The following SFMBT2 variants were observed in gnomAD, a reference collection of about 807,000 sequenced individuals.
The protein encoded by SFMBT2 is Scm like with four mbt domains 2, also known as scm-like with four MBT domains protein 2.
In SFMBT2, 38 loss-of-function variants were observed where a neutral mutation model predicts 110.1. That is an observed-to-expected ratio of 0.35 (90% confidence interval 0.27 to 0.45). The LOEUF (loss-of-function observed/expected upper bound fraction) is 0.45. SFMBT2 is among the 20% of genes least tolerant of loss of function. The pLI is 1.00. For missense variants in SFMBT2, 1,011 were observed against 1,094.9 expected, an observed-to-expected ratio of 0.92 and a Z score of 1.08; for synonymous variants, 425 against 425.4, an observed-to-expected ratio of 1.00 and a Z score of 0.01.
At chr10:7,384,962 T>C (rs1355631689) in intron 1 of SFMBT2, among the ~76,000 whole-genome samples, 3 of 152,148 alleles carry the variant, frequency 2.0e-5, no homozygotes, top group Non-Finnish European at 4.4e-5. Flanking sequence ...TTTCCTCCCA[T>C]GAGCTGCACA....
At chr10:7,235,927 A>C (rs1840237522) in intron 9 of SFMBT2, among the ~76,000 whole-genome samples, 1 of 152,174 alleles carries the variant, frequency 6.6e-6, no homozygotes, top group Admixed American at 6.5e-5. Flanking sequence ...AAAGGAAATA[A>C]ATTCACACTC....
chr10:7,271,355 T>C (rs981784650), intron 7 of SFMBT2, among the ~76,000 whole-genome samples: 8 of 150,912 alleles, frequency 5.3e-5, no homozygotes, highest in Non-Finnish European at 8.9e-5. Context: ...AATTCACGCA[T>C]TTATTGGACA....
intron 7 of SFMBT2, among the ~76,000 whole-genome samples, chr10:7,255,181 C>T (rs1306664953): frequency 2.0e-5 from 3 of 152,178 alleles, no homozygotes; most frequent in Admixed American, 6.5e-5. Context: ...ACTCATCATC[C>T]TCAATGTCAA....
At chr10:7,209,940 A>G (rs79286042) in intron 11 of SFMBT2, among the ~76,000 whole-genome samples, 9,393 of 152,336 alleles carry the variant, frequency 0.062, 386 homozygotes, top group Non-Finnish European at 0.087. Flanking sequence ...TAAATACGGT[A>G]TTGCCACAGA....
intron 11 of SFMBT2, among the ~76,000 whole-genome samples, chr10:7,210,440 G>C (rs189848332): frequency 4.6e-5 from 7 of 152,308 alleles, no homozygotes; most frequent in Admixed American, 4.6e-4. Flanking sequence ...GGCGAGGGAG[G>C]CTACAAGCCC....
At chr10:7,207,045 G>T in intron 11 of SFMBT2, 1 of 327,014 alleles carries the variant, frequency 3.1e-6, no homozygotes, top group Non-Finnish European at 4.4e-6. Context: ...CAGTAACATG[G>T]CAAGACCTCA....
chr10:7,300,617 C>T (rs964138844), intron 4 of SFMBT2, among the ~76,000 whole-genome samples: 36 of 152,208 alleles, frequency 2.4e-4, no homozygotes, highest in African/African-American at 8.2e-4. Context: ...CAGTATCTGC[C>T]CAGCTGTTCC....
chr10:7,384,208 T>G, intron 1 of SFMBT2, among the ~76,000 whole-genome samples: 1 of 32,008 alleles, frequency 3.1e-5, no homozygotes, highest in Non-Finnish European at 4.7e-5. Flanking sequence ...CAAAACTCCA[T>G]CTCAAAAAAA....
chr10:7,220,796 C>T (rs1839702732), intron 10 of SFMBT2, among the ~76,000 whole-genome samples: 1 of 150,340 alleles, frequency 6.7e-6, no homozygotes, highest in Non-Finnish European at 1.5e-5. Context: ...TGAATTCATT[C>T]TCTTTCCAGT....
At chr10:7,270,623 T>C (rs1228060352) in intron 7 of SFMBT2, among the ~76,000 whole-genome samples, 1 of 152,248 alleles carries the variant, frequency 6.6e-6, no homozygotes, top group African/African-American at 2.4e-5. Flanking sequence ...CCCTGCCTCA[T>C]GAGAGGCCCA....
At chr10:7,173,096 G>A (rs1227943464) in intron 17 of SFMBT2, among the ~76,000 whole-genome samples, 2 of 152,220 alleles carry the variant, frequency 1.3e-5, no homozygotes, top group Non-Finnish European at 2.9e-5. Context: ...CAAAGCTGCT[G>A]ACACCCTGAT....
intron 9 of SFMBT2, among the ~76,000 whole-genome samples, chr10:7,237,959 C>T (rs1305882747): frequency 2.0e-5 from 3 of 152,024 alleles, no homozygotes; most frequent in Admixed American, 6.6e-5. Context: ...GCAGGTGCCA[C>T]GTCAGGGAGA....
intron 4 of SFMBT2, among the ~76,000 whole-genome samples, chr10:7,345,817 G>A (rs1032625119): frequency 2.6e-5 from 4 of 152,120 alleles, no homozygotes; most frequent in African/African-American, 9.7e-5. Context: ...GAGTGTTCTA[G>A]AATCTCCTGC....
intron 1 of SFMBT2, among the ~76,000 whole-genome samples, chr10:7,398,300 G>C (rs1845981734): frequency 6.6e-6 from 1 of 152,194 alleles, no homozygotes; most frequent in Non-Finnish European, 1.5e-5. Context: ...GAACAAATCA[G>C]TTGTTCAAAA....
At position 7,210,618 on chromosome 10, in the gene SFMBT2, TG is replaced by T. The variant is rs1839312761; in HGVS notation, c.1331-4691del. Among the ~76,000 whole-genome samples the T allele has an allele frequency of 3.3e-5, 5 of 152,360 alleles. No homozygotes were observed. In the South Asian group the frequency reaches 1.0e-3, roughly 32 times the overall value. ...GAAAGTTAAAGGGCATGGCAAATGC[TG>T]ACAGGCTTGAGTGTGAGATGAACAG... is the stretch of plus-strand genomic sequence containing the variant. On this transcript the variant is annotated intron_variant, in intron 11 of 20. Coordinates refer to ENST00000397167, the MANE Select transcript of SFMBT2 (RefSeq NM_001387889.1).
chr10:7,269,719 T>C (rs1204370937), intron 7 of SFMBT2, among the ~76,000 whole-genome samples: 5 of 6,436 alleles, frequency 7.8e-4, no homozygotes, highest in African/African-American at 2.3e-3. Context: ...TGTGTGCGTG[T>C]GTGTGTGTGT....
At chr10:7,373,148 T>C (rs1405625116) in intron 2 of SFMBT2, among the ~76,000 whole-genome samples, 2 of 152,208 alleles carry the variant, frequency 1.3e-5, no homozygotes, top group African/African-American at 4.8e-5. Context: ...ATGTCCTCCC[T>C]CAGGGGTGAG....
At chr10:7,274,896 C>T (rs1841720250) in intron 7 of SFMBT2, among the ~76,000 whole-genome samples, 1 of 152,148 alleles carries the variant, frequency 6.6e-6, no homozygotes, top group South Asian at 2.1e-4. Flanking sequence ...CCTACTGAAT[C>T]CTCATCCACT....
intron 9 of SFMBT2, among the ~76,000 whole-genome samples, chr10:7,228,733 TTCCTTTCTCTCTCTCTCTCTC>T (rs1840005889): frequency 4.5e-4 from 32 of 70,546 alleles, no homozygotes; most frequent in African/African-American, 1.6e-3. Flanking sequence ...CTTTCTTTCT[TTCCTTTCTCTCTCTCTCTCTC>T]TCTCTCTCTC....
Sources: gnomAD v4.1 joint callset for allele counts (sites outside exome capture counted in the v4.1 genomes callset) on GRCh38, gnomAD v4.1.1 for gene constraint, MANE v1.5 for transcripts, NCBI Gene and HGNC (gene_info 2026-07-23, HGNC 2026-07-21) for gene names.